The following CNTN4 variants were observed in gnomAD, a reference collection of about 807,000 sequenced individuals.
The protein encoded by CNTN4 is contactin 4.
CNTN4 carries 77 observed loss-of-function variants against 122.5 expected under a neutral mutation model. The observed-to-expected ratio is 0.63, with a 90% CI of 0.52 to 0.76. The LOEUF is 0.76. CNTN4 is among the 30% of genes least tolerant of loss of function. The pLI, the probability that CNTN4 is intolerant of heterozygous loss-of-function variation, is 0.00. For synonymous variants in CNTN4, 512 were observed against 447.0 expected (o/e 1.15, Z -1.83); for missense variants, 1,256 against 1,259.1 (o/e 1.00, Z 0.04).
chr3:2,651,647 T>C (rs79916809), intron 4 of CNTN4, among the ~76,000 whole-genome samples: 1 of 152,030 alleles, frequency 6.6e-6, no homozygotes, highest in African/African-American at 2.4e-5. Context: ...GCCCAGGAGT[T>C]TGAAACCAGC....
intron 2 of CNTN4, among the ~76,000 whole-genome samples, chr3:2,220,887 T>C (rs2039036619): frequency 6.6e-6 from 1 of 152,080 alleles, no homozygotes; most frequent in African/African-American, 2.4e-5. Context: ...AGAACTCAGA[T>C]TTCCTGATAG....
chr3:3,054,207 G>T (rs2125914494), intron 24 of CNTN4, among the ~76,000 whole-genome samples: 1 of 152,316 alleles, frequency 6.6e-6, no homozygotes, highest in Middle Eastern at 3.4e-3. Context: ...GATTAAAGCA[G>T]ACCCGAATTA....
At chr3:2,399,395 T>A (rs1231161800) in intron 3 of CNTN4, among the ~76,000 whole-genome samples, 19 of 152,048 alleles carry the variant, frequency 1.2e-4, no homozygotes, top group Admixed American at 1.2e-3. Flanking sequence ...ATGAAGGTGT[T>A]TTTGTTTTTG....
Position 2,523,368 on chromosome 3 carries a change from A to AC in CNTN4, c.-88-48048_-88-48047insC, listed in dbSNP as rs1228643491. On this transcript the variant is annotated intron_variant, in intron 3 of 24. Coordinates refer to ENST00000418658, the MANE Select transcript of CNTN4 (RefSeq NM_175607.3). Reference sequence around the variant, plus strand: ...AAGCAAGAGACCTTAAAAAAAAAAAAAAAACAAAACTTTTTTCTATTTGTG... The same window carrying AC: ...AAGCAAGAGACCTTAAAAAAAAAAAACAAAACAAAACTTTTTTCTATTTGTG... Among the ~76,000 whole-genome samples, 9 of 143,452 alleles carry AC rather than the reference A, an allele frequency of 6.3e-5. No individual in the cohort carries two copies. The East Asian group carries it at 1.0e-3, about 16-fold the overall frequency. 94.1% of individuals were successfully genotyped at this position (143,452 alleles called of 152,430 possible).
chr3:2,275,364 A>G (rs1040716733), intron 2 of CNTN4, among the ~76,000 whole-genome samples: 1 of 152,208 alleles, frequency 6.6e-6, no homozygotes, highest in African/African-American at 2.4e-5. Context: ...CATGTCCATT[A>G]GACATCCTCA....
At chr3:2,657,891 A>G (rs1559354547) in intron 4 of CNTN4, among the ~76,000 whole-genome samples, 1 of 151,544 alleles carries the variant, frequency 6.6e-6, no homozygotes, top group Non-Finnish European at 1.5e-5. Context: ...TGTACCTTCC[A>G]TATCATTGAC....
At position 2,868,861 on chromosome 3, in the gene CNTN4, G is replaced by C. The variant is rs114802126; in HGVS notation, c.652+1912G>C. On this transcript the variant is annotated intron_variant, in intron 8 of 24. Coordinates refer to ENST00000418658, the MANE Select transcript of CNTN4 (RefSeq NM_175607.3). ...CTGTGGTGGGTTTGGGGGGTGGTGG[G>C]TGTCTACTTTAGACAGCCATGGAAA... Among the ~76,000 whole-genome samples, 250 of 152,172 alleles carry C rather than the reference G, an allele frequency of 1.6e-3. 2 individuals carry two copies. Among genetic ancestry groups the C allele is most frequent in the African/African-American group, 5.9e-3 (244 of 41,508 alleles).
chr3:2,906,974 T>G (rs2094242092), intron 12 of CNTN4, among the ~76,000 whole-genome samples: 1 of 152,130 alleles, frequency 6.6e-6, no homozygotes, highest in African/African-American at 2.4e-5. Flanking sequence ...CTTCCAAAAA[T>G]TCCCAGTAAT....
chr3:2,659,611 T>G (rs1221906791), intron 4 of CNTN4, among the ~76,000 whole-genome samples: 1 of 152,180 alleles, frequency 6.6e-6, no homozygotes, highest in African/African-American at 2.4e-5. Flanking sequence ...TAACGACTTT[T>G]ACACTAATGT....
intron 3 of CNTN4, among the ~76,000 whole-genome samples, chr3:2,475,262 A>G (rs1277141384): frequency 1.3e-5 from 2 of 152,218 alleles, no homozygotes; most frequent in African/African-American, 4.8e-5. Context: ...GTCCGTTCAA[A>G]GAAGAAAAGG....
chr3:3,038,833 A>C, intron 18 of CNTN4, 100 bp from the exon 19 acceptor site: 1 of 892,660 alleles, frequency 1.1e-6, no homozygotes, highest in Non-Finnish European at 1.9e-6. Flanking sequence ...GGCGTGCCTC[A>C]GAGTACTCAC....
intron 2 of CNTN4, among the ~76,000 whole-genome samples, chr3:2,168,957 C>T (rs2149220916): frequency 6.6e-6 from 1 of 152,284 alleles, no homozygotes; most frequent in South Asian, 2.1e-4. Flanking sequence ...TACACAGATT[C>T]AGATGGCTTC....
intron 6 of CNTN4, among the ~76,000 whole-genome samples, chr3:2,811,168 G>GA (rs2092597680): frequency 6.6e-6 from 1 of 152,020 alleles, no homozygotes; most frequent in African/African-American, 2.4e-5. Context: ...CCAGCACTTT[G>GA]GGAGGCCGAG....
At chr3:2,582,651 C>G (rs1221463187) in intron 4 of CNTN4, among the ~76,000 whole-genome samples, 3 of 152,172 alleles carry the variant, frequency 2.0e-5, no homozygotes. Flanking sequence ...AGCAGGGAGA[C>G]TTAAGACTTC....
chr3:2,896,175 A>C (rs1172571718), intron 10 of CNTN4, among the ~76,000 whole-genome samples: 2 of 152,212 alleles, frequency 1.3e-5, no homozygotes, highest in African/African-American at 2.4e-5. Context: ...TTATAATACA[A>C]GATATCAGCC....
chr3:2,701,804 A>G (rs990859241), intron 4 of CNTN4, among the ~76,000 whole-genome samples: 1 of 152,196 alleles, frequency 6.6e-6, no homozygotes, highest in Non-Finnish European at 1.5e-5. Flanking sequence ...AGATTGCTGC[A>G]AAAGTAATTG....
Position 2,882,966 on chromosome 3 carries a change from C to T in CNTN4, c.653-179C>T, listed in dbSNP as rs116835430. On this transcript the variant is annotated intron_variant, in intron 8 of 24. Transcript: ENST00000418658. ...TTCTGCGACACAAATTTTTCTGTAG[C>T]AGTAACTGGGAGAAGAGCCACAATT... is the stretch of plus-strand genomic sequence containing the variant. The T allele has an allele frequency of 5.0e-3, 2,747 of 554,020 alleles. 54 individuals are homozygous for T. Among genetic ancestry groups the T allele is most frequent in the African/African-American group, 0.042 (2,201 of 52,690 alleles). The allele number at this position is 554,020 out of a possible 1,614,324, so 34.3% of individuals were successfully genotyped here.
chr3:2,379,398 C>G (rs2045936775), intron 3 of CNTN4, among the ~76,000 whole-genome samples: 1 of 152,008 alleles, frequency 6.6e-6, no homozygotes. Context: ...GGTACTGATC[C>G]CACTCTGGCC....
At chr3:2,553,003 C>T (rs1368576179) in intron 3 of CNTN4, among the ~76,000 whole-genome samples, 1 of 152,238 alleles carries the variant, frequency 6.6e-6, no homozygotes, top group African/African-American at 2.4e-5. Flanking sequence ...GGCAAGTACA[C>T]GTCTTACCTG....
Sources: gnomAD v4.1 joint callset for allele counts (sites outside exome capture counted in the v4.1 genomes callset) on GRCh38, gnomAD v4.1.1 for gene constraint, MANE v1.5 for transcripts, NCBI Gene and HGNC (gene_info 2026-07-23, HGNC 2026-07-21) for gene names.